Variants in PPP2R1B observed in about 807,000 individuals in gnomAD.
PPP2R1B encodes the protein serine/threonine-protein phosphatase 2A 65 kDa regulatory subunit A beta isoform.
Under a neutral mutation model 72.7 loss-of-function variants are expected in PPP2R1B, and 58 were observed. The observed-to-expected ratio is 0.80, with a 90% CI of 0.65 to 0.99. The LOEUF (loss-of-function observed/expected upper bound fraction) is 0.99. Among genes scored for constraint, PPP2R1B ranks in the 50% least tolerant of loss-of-function variants. PPP2R1B has a pLI of 0.00. For missense variants in PPP2R1B, 695 were observed against 733.6 expected, an observed-to-expected ratio of 0.95 and a Z score of 0.61; for synonymous variants, 256 against 264.6, an observed-to-expected ratio of 0.97 and a Z score of 0.32.
chr11:111,722,671 A>G (rs1943838003), downstream of PPP2R1B: 7 of 1,613,866 alleles, frequency 4.3e-6, no homozygotes, highest in Non-Finnish European at 5.9e-6. The surrounding 1 kb of genome is among the most constrained non-coding windows in gnomAD (Gnocchi z 4.4). Context: ...CCAGAAGCCC[A>G]GCCTTCTGTC....
At chr11:111,765,022 T>C in intron 2 of PPP2R1B, 117 bp from the exon 3 acceptor site, 3 of 1,468,058 alleles carry the variant, frequency 2.0e-6, no homozygotes, top group Non-Finnish European at 2.7e-6. Context: ...GTCAAAATCC[T>C]AACAGCATTT....
the PPP2R1B span, among the ~76,000 whole-genome samples, chr11:111,716,296 C>T: frequency 1.3e-5 from 2 of 152,098 alleles, no homozygotes; most frequent in Non-Finnish European, 2.9e-5. Flanking sequence ...AAAGGATATA[C>T]ATCTGGCCAG....
At chr11:111,718,220 C>A in the PPP2R1B span, among the ~76,000 whole-genome samples, 1 of 152,260 alleles carries the variant, frequency 6.6e-6, no homozygotes, top group African/African-American at 2.4e-5. Context: ...CATTTCTAAA[C>A]CATTCTTGGC....
chr11:111,736,913 G>A (rs899429834), downstream of PPP2R1B, among the ~76,000 whole-genome samples: 5 of 152,136 alleles, frequency 3.3e-5, no homozygotes, highest in African/African-American at 1.2e-4. Flanking sequence ...CTAATGAATG[G>A]CCCTGGGGCA....
rs1565431797 is a variant in PPP2R1B, at chr11:111,740,226, G to GA, written c.*1369_*1370insT. On this transcript the variant is annotated 3_prime_UTR_variant, in exon 15 of 15. Coordinates refer to ENST00000527614, the MANE Select transcript of PPP2R1B (RefSeq NM_002716.5). ...GAGTTTGATTATGTGAAAAATAGTT[G>GA]TTTTTTTTTGAGATGGACTCTCGCT... is the stretch of plus-strand genomic sequence containing the variant. 2 of 970,126 alleles carry GA rather than the reference G, an allele frequency of 2.1e-6. No individual in the cohort carries two copies. The allele number at this position is 970,126 out of a possible 1,614,324, so 60.1% of individuals were successfully genotyped here.
chr11:111,730,183 G>A (rs1033318771), intron 15 of PPP2R1B: 1 of 152,228 alleles, frequency 6.6e-6, no homozygotes, highest in Non-Finnish European at 1.5e-5. Context: ...GTAGAGGGGA[G>A]CTTTAAAAAT....
chr11:111,715,895 G>A, the PPP2R1B span, among the ~76,000 whole-genome samples: 11 of 135,080 alleles, frequency 8.1e-5, no homozygotes, highest in Non-Finnish European at 1.1e-4. Context: ...TCCGCCCCCC[G>A]GGTTCAAGCG....
In PPP2R1B at chr11:111,752,266, G is replaced by A. The variant is rs1944936367; in HGVS notation, c.1231C>T (p.Gln411Ter). 1 of 1,613,936 alleles carries A rather than the reference G, an allele frequency of 6.2e-7. No homozygotes were observed. The highest frequency in any genetic ancestry group is 8.5e-7 in the Non-Finnish European group (1 of 1,179,998). ...DCVNEVIGIRQLSQSLLPAIV... is the reference protein window; with the variant it reads ...DCVNEVIGIR ...GCAGGAAGGAGAGACTGAGAGAGCT[G>A]ACGGATTCCAATCACTTCATTTACA... Residue 411 changes from glutamine to a stop codon, truncating the protein, a stop_gained, in exon 10 of 15, where the codon CAG becomes TAG. Transcript: ENST00000527614. LOFTEE classifies it high-confidence loss of function.
chr11:111,726,440 C>CA, downstream of PPP2R1B: 1 of 153,948 alleles, frequency 6.5e-6, no homozygotes, highest in Non-Finnish European at 1.4e-5. Context: ...ATCCGTCACA[C>CA]ACGGCAGCGG....
intron 15 of PPP2R1B, chr11:111,730,786 C>T (rs1280307069): frequency 6.6e-6 from 1 of 152,080 alleles, no homozygotes; most frequent in Non-Finnish European, 1.5e-5. Context: ...TAATTTTCTG[C>T]AAGGAAAATG....
the PPP2R1B span, among the ~76,000 whole-genome samples, chr11:111,709,001 C>T: frequency 6.6e-6 from 1 of 152,212 alleles, no homozygotes; most frequent in African/African-American, 2.4e-5. Context: ...TCTTTAATTA[C>T]TGTTTAGAGG....
the PPP2R1B span, among the ~76,000 whole-genome samples, chr11:111,698,220 T>G: frequency 6.6e-6 from 1 of 152,184 alleles, no homozygotes; most frequent in African/African-American, 2.4e-5. Flanking sequence ...AAGCTTTCTT[T>G]GTGCTAGATT....
At chr11:111,736,077 C>A (rs1944331901), downstream of PPP2R1B, among the ~76,000 whole-genome samples, 1 of 152,130 alleles carries the variant, frequency 6.6e-6, no homozygotes, top group South Asian at 2.1e-4. Flanking sequence ...AAAAAAGATT[C>A]CCAAATAGAC....
intron 3 of PPP2R1B, chr11:111,761,379 T>A (rs534744045): frequency 2.5e-6 from 1 of 402,464 alleles, no homozygotes; most frequent in Non-Finnish European, 4.8e-6. Context: ...ATAGCCAAAT[T>A]CAGACAGGAT....
chr11:111,749,048 T>C (rs538264216), intron 10 of PPP2R1B, among the ~76,000 whole-genome samples: 1 of 152,134 alleles, frequency 6.6e-6, no homozygotes, highest in East Asian at 1.9e-4. Flanking sequence ...TTTCACCATG[T>C]TGGCCAGGCT....
At chr11:111,759,530 T>C (rs782308855) in intron 5 of PPP2R1B, among the ~76,000 whole-genome samples, 3 of 152,224 alleles carry the variant, frequency 2.0e-5, no homozygotes, top group Non-Finnish European at 4.4e-5. Context: ...TTACCCTCCA[T>C]GCAGCTTTGG....
chr11:111,690,425 T>C, the PPP2R1B span, among the ~76,000 whole-genome samples: 3 of 151,666 alleles, frequency 2.0e-5, no homozygotes, highest in African/African-American at 7.3e-5. Context: ...AAGAGAACTA[T>C]TTTATTTATT....
At position 111,755,394 on chromosome 11, in the gene PPP2R1B, A is replaced by G; in HGVS notation, c.744T>C (p.Ser248=). The G allele has an allele frequency of 6.2e-7, 1 of 1,613,692 alleles. No individual in the cohort carries two copies. The highest frequency in any genetic ancestry group is 2.2e-5 in the East Asian group (1 of 44,878). Residue 248 remains serine, a synonymous_variant, in exon 6 of 15, where the codon TCT becomes TCC. Coordinates refer to ENST00000527614, the MANE Select transcript of PPP2R1B (RefSeq NM_002716.5). ...EACVSIAQLL[S]QDDLETLVMP... is the part of the protein sequence containing the mutation. ...TCACCAAAGTCTCAAGGTCATCCTG[A>G]GACAATAACTGGGCAATACTGACAC...
chr11:111,755,768 TTA>T (rs1945090734), intron 5 of PPP2R1B, among the ~76,000 whole-genome samples: 1 of 151,986 alleles, frequency 6.6e-6, no homozygotes, highest in African/African-American at 2.4e-5. Flanking sequence ...TTTTGTATTT[TTA>T]GTAGAGACAG....
Sources: allele counts gnomAD v4.1 joint callset (sites outside exome capture counted in the v4.1 genomes callset), GRCh38; gene constraint gnomAD v4.1.1; non-coding constraint Gnocchi (gnomAD v3.1); transcripts MANE v1.5; gene names NCBI Gene and HGNC (gene_info 2026-07-23, HGNC 2026-07-21).